IL12RB2: variants seen among roughly 807,000 people sequenced by gnomAD.
The protein encoded by IL12RB2 is interleukin-12 receptor subunit beta-2.
A neutral mutation model predicts 89.4 loss-of-function variants in IL12RB2; 82 were observed. The observed-to-expected ratio is 0.92, with a 90% CI of 0.77 to 1.10. The LOEUF is 1.10. IL12RB2 is among the 50% of genes least tolerant of loss of function. The pLI is 0.00. For synonymous variants in IL12RB2, 368 were observed against 370.1 expected (o/e 0.99, Z 0.07); for missense variants, 963 against 1,031.9 (o/e 0.93, Z 0.92).
intron 13 of IL12RB2, among the ~76,000 whole-genome samples, chr1:67,377,143 T>C (rs2101046341): frequency 6.6e-6 from 1 of 152,316 alleles, no homozygotes; most frequent in South Asian, 2.1e-4. Context: ...TGATTACCCA[T>C]AGTAAGCAGG....
Position 67,338,636 on chromosome 1 carries a change from T to A in IL12RB2, c.971T>A (p.Met324Lys), listed in dbSNP as rs887453058. Residue 324 changes from methionine to lysine, a missense_variant, in exon 9 of 17, where the codon ATG (methionine) becomes AAG (lysine). By Grantham distance (95) the Met-to-Lys change is moderately conservative (BLOSUM62 -1). Coordinates refer to ENST00000674203, the MANE Select transcript of IL12RB2 (RefSeq NM_001374259.2). ...TCCTTTGAAACAGAGCCTACTGGGATGTTAGATGTCTGGTACATGAAACGG... is the reference window on the plus strand; with the variant it reads ...TCCTTTGAAACAGAGCCTACTGGGAAGTTAGATGTCTGGTACATGAAACGG... ...AQTPEEEPTG[M>K]LDVWYMKRHI... 1 of 1,487,608 alleles carries A rather than the reference T, an allele frequency of 6.7e-7. No homozygotes were observed. Among genetic ancestry groups the A allele is most frequent in the African/African-American group, 1.4e-5 (1 of 72,508 alleles). 92.2% of individuals were successfully genotyped at this position (1,487,608 alleles called of 1,614,324 possible).
intron 9 of IL12RB2, among the ~76,000 whole-genome samples, chr1:67,347,777 C>T (rs1293202192): frequency 1.3e-5 from 2 of 152,164 alleles, no homozygotes; most frequent in African/African-American, 2.4e-5. Flanking sequence ...CCATTCTTAG[C>T]ACTGTCAGAG....
rs184383487 is a variant in IL12RB2 at position 67,314,532 on chromosome 1, T to C, written c.-37+532T>C. ...TGGTGCTCTCACAGTCAATAGCATA[T>C]AGCAGAACTGAGATTCATTCACCTT... On this transcript the variant is annotated intron_variant, in intron 2 of 16. Coordinates refer to ENST00000674203, the MANE Select transcript of IL12RB2 (RefSeq NM_001374259.2). 2.6e-5 allele frequency among the ~76,000 whole-genome samples: 4 copies of C among 152,336 alleles called. No individual in the cohort carries two copies. In the East Asian group the frequency reaches 5.8e-4, roughly 22 times the overall value.
chr1:67,368,333 C>A (rs1662932839), intron 11 of IL12RB2, among the ~76,000 whole-genome samples: 1 of 152,222 alleles, frequency 6.6e-6, no homozygotes, highest in African/African-American at 2.4e-5. Flanking sequence ...GTGTAATAGA[C>A]ACCTTTATTT....
chr1:67,334,564 C>T (rs963247964), intron 8 of IL12RB2, among the ~76,000 whole-genome samples: 3 of 152,098 alleles, frequency 2.0e-5, no homozygotes, highest in South Asian at 2.1e-4. Flanking sequence ...CTGCAAGCTC[C>T]GCCTCCCGGG....
At chr1:67,362,660 G>GA (rs993624762) in intron 10 of IL12RB2, among the ~76,000 whole-genome samples, 13 of 150,970 alleles carry the variant, frequency 8.6e-5, no homozygotes, top group Non-Finnish European at 1.3e-4. Context: ...AGTATTGAGA[G>GA]AAAAAAAGCC....
At chr1:67,369,865 T>C (rs565770224) in intron 11 of IL12RB2, among the ~76,000 whole-genome samples, 1 of 151,840 alleles carries the variant, frequency 6.6e-6, no homozygotes, top group African/African-American at 2.4e-5. Context: ...CTACTAAAAA[T>C]ACAAAAATTA....
At chr1:67,345,298 G>A (rs1660093200) in intron 9 of IL12RB2, among the ~76,000 whole-genome samples, 2 of 152,192 alleles carry the variant, frequency 1.3e-5, no homozygotes, top group Non-Finnish European at 2.9e-5. Context: ...TGGAAAGAAC[G>A]AGAAGATAGC....
Position 67,350,066 on chromosome 1 carries a change from C to T in IL12RB2, c.1039-804C>T, listed in dbSNP as rs76484080. 3.5e-3 allele frequency among the ~76,000 whole-genome samples: 530 copies of T among 152,328 alleles called. 4 individuals are homozygous for T. Among genetic ancestry groups the T allele is most frequent in the African/African-American group, 0.011 (469 of 41,580 alleles). On this transcript the variant is annotated intron_variant, in intron 9 of 16. Coordinates refer to ENST00000674203, the MANE Select transcript of IL12RB2 (RefSeq NM_001374259.2). ...GGCCCCCCACCCATGGAAGGGACAG[C>T]CTTGCCAAGAAAACTGTAGCACTTG...
In IL12RB2 at chr1:67,326,741, C is replaced by T; in HGVS notation, c.371C>T (p.Pro124Leu). Residue 124 changes from proline to leucine, a missense_variant, in exon 5 of 17, where the codon CCA (proline) becomes CTA (leucine). Pro to Leu is a moderately conservative substitution (Grantham distance 98). Coordinates refer to ENST00000674203, the MANE Select transcript of IL12RB2 (RefSeq NM_001374259.2). ...TTGTCTTTTCTTTTTAAAGTTGCTC[C>T]AGAACAGCCTCAAAATTTATCCTGC... ...CGAEIFVGVA[P>L]EQPQNLSCIQ... is the part of the protein sequence containing the mutation. 3.1e-6 allele frequency: 5 copies of T among 1,612,792 alleles called. No homozygotes were observed. Among genetic ancestry groups the T allele is most frequent in the Non-Finnish European group, 4.2e-6 (5 of 1,179,252 alleles).
At chr1:67,375,175 G>A (rs563850266) in intron 13 of IL12RB2, among the ~76,000 whole-genome samples, 7 of 152,112 alleles carry the variant, frequency 4.6e-5, no homozygotes, top group African/African-American at 1.7e-4. Flanking sequence ...TGGGCAGATC[G>A]TTTGAGCCCA....
At chr1:67,338,162 G>A (rs1266043039) in intron 8 of IL12RB2, among the ~76,000 whole-genome samples, 1 of 151,086 alleles carries the variant, frequency 6.6e-6, no homozygotes, top group Non-Finnish European at 1.5e-5. Flanking sequence ...AAGCCTGTCT[G>A]TATAAAAAAT....
intron 9 of IL12RB2, among the ~76,000 whole-genome samples, chr1:67,346,851 A>G (rs112898550): frequency 0.046 from 7,017 of 152,298 alleles, 226 homozygotes; most frequent in Admixed American, 0.069. Context: ...GCCAAGAGTC[A>G]AGATGACCTA....
intron 15 of IL12RB2, among the ~76,000 whole-genome samples, chr1:67,387,696 G>C (rs1570206853): frequency 1.3e-5 from 1 of 79,598 alleles, no homozygotes; most frequent in African/African-American, 3.6e-5. Context: ...CAGCAAGACT[G>C]TCTCAAAAAA....
intron 16 of IL12RB2, among the ~76,000 whole-genome samples, chr1:67,393,779 A>T (rs1289272991): frequency 6.6e-6 from 1 of 152,178 alleles, no homozygotes; most frequent in Non-Finnish European, 1.5e-5. Flanking sequence ...CAAATGAGAG[A>T]ACTGAGATCC....
intron 1 of IL12RB2, among the ~76,000 whole-genome samples, chr1:67,308,420 G>C (rs976161908): frequency 6.6e-6 from 1 of 151,146 alleles, no homozygotes; most frequent in South Asian, 2.1e-4. Flanking sequence ...GTAAGATATT[G>C]GGGGGGGCCT....
At chr1:67,344,830 G>T (rs1280515088) in intron 9 of IL12RB2, among the ~76,000 whole-genome samples, 1 of 152,088 alleles carries the variant, frequency 6.6e-6, no homozygotes, top group Non-Finnish European at 1.5e-5. Context: ...TACAGCTAGG[G>T]GCTCCCTCCC....
chr1:67,308,515 C>A (rs1009266155), intron 1 of IL12RB2, among the ~76,000 whole-genome samples: 5 of 152,156 alleles, frequency 3.3e-5, no homozygotes, highest in African/African-American at 1.2e-4. Flanking sequence ...CCCTGCCTGG[C>A]CAGTTACTAG....
At chr1:67,381,595 C>G (rs1178287585) in intron 14 of IL12RB2, among the ~76,000 whole-genome samples, 1 of 151,784 alleles carries the variant, frequency 6.6e-6, no homozygotes, top group African/African-American at 2.4e-5. Context: ...AACCCCGTCT[C>G]TACTAAAAAA....
Sources: allele counts gnomAD v4.1 joint callset (sites outside exome capture counted in the v4.1 genomes callset), GRCh38; gene constraint gnomAD v4.1.1; transcripts MANE v1.5; gene names NCBI Gene and HGNC (gene_info 2026-07-23, HGNC 2026-07-21).